DMBT1: variants seen among roughly 807,000 people sequenced by gnomAD.
DMBT1 encodes the protein deleted in malignant brain tumors 1.
DMBT1 carries 198 observed loss-of-function variants against 252.9 expected under a neutral mutation model. The ratio of observed to expected loss-of-function variants is 0.78; its 90% CI spans 0.70 to 0.88. The LOEUF (loss-of-function observed/expected upper bound fraction) is 0.88. Among genes scored for constraint, DMBT1 ranks in the 40% least tolerant of loss-of-function variants. The probability of loss-of-function intolerance (pLI) is 0.00; values close to 1 mark genes in which losing one functional copy is unlikely to be tolerated. For synonymous variants in DMBT1, 990 were observed against 942.7 expected, an observed-to-expected ratio of 1.05 and a Z score of -0.92; for missense variants, 2,432 against 2,404.7, an observed-to-expected ratio of 1.01 and a Z score of -0.24.
At chr10:122,588,211 C>G (rs912470364) in intron 16 of DMBT1, among the ~76,000 whole-genome samples, 1 of 148,200 alleles carries the variant, frequency 6.7e-6, no homozygotes, top group African/African-American at 2.4e-5. Context: ...TACTTCTGGA[C>G]AAATGTTTTT....
chr10:122,617,523 C>T (rs1199911980), intron 40 of DMBT1, among the ~76,000 whole-genome samples: 1 of 151,556 alleles, frequency 6.6e-6, no homozygotes, highest in Non-Finnish European at 1.5e-5. Flanking sequence ...CACTGGAAGG[C>T]TCCCTAATCC....
chr10:122,598,208 G>T lies in DMBT1; in HGVS notation c.2956+196G>T, dbSNP rs148985961. On this transcript the variant is annotated intron_variant, in intron 25 of 55. Coordinates refer to ENST00000338354, the MANE Select transcript of DMBT1 (RefSeq NM_001377530.1). The stretch of plus-strand genomic sequence containing the variant: ...GGAGGCTGGAGGGTGCTGGTGACTT[G>T]TCTCCCGTGGAATCCTGTTCCAAGT... 3.5e-3 allele frequency among the ~76,000 whole-genome samples: 529 copies of T among 152,158 alleles called. 6 individuals carry two copies. Among genetic ancestry groups the T allele is most frequent in the Middle Eastern group, 3.4e-3 (1 of 294 alleles).
At chr10:122,567,381 G>A (rs1244710711) in intron 2 of DMBT1, among the ~76,000 whole-genome samples, 2 of 152,210 alleles carry the variant, frequency 1.3e-5, no homozygotes, top group South Asian at 2.1e-4. Context: ...CCTCAGGTCT[G>A]AACAGGCATC....
At chr10:122,623,353 T>C (rs904830070) in intron 44 of DMBT1, among the ~76,000 whole-genome samples, 1 of 152,264 alleles carries the variant, frequency 6.6e-6, no homozygotes, top group African/African-American at 2.4e-5. Context: ...TGTGAATAAG[T>C]CTGCTATGAG....
chr10:122,643,058 C>G (rs1844854456), intron 55 of DMBT1, 64 bp from the exon 56 acceptor site: 2 of 1,578,094 alleles, frequency 1.3e-6, no homozygotes, highest in East Asian at 4.5e-5. Context: ...TCACCTGGTA[C>G]AACTGAGTCA....
At chr10:122,585,222 T>C in intron 14 of DMBT1, 49 bp from the exon 15 acceptor site, 1 of 1,575,666 alleles carries the variant, frequency 6.3e-7, no homozygotes, top group Non-Finnish European at 8.7e-7. Context: ...CTTTTGGAGA[T>C]TTTCACCATC....
intron 46 of DMBT1, among the ~76,000 whole-genome samples, chr10:122,628,474 A>G (rs1031166816): frequency 6.6e-6 from 1 of 152,078 alleles, no homozygotes; most frequent in Admixed American, 6.5e-5. Flanking sequence ...TGTCTCTACT[A>G]AAAATACAAA....
At chr10:122,598,697 G>A (rs915779957) in intron 25 of DMBT1, 77 bp from the exon 26 acceptor site, 8 of 1,607,126 alleles carry the variant, frequency 5.0e-6, no homozygotes, top group Non-Finnish European at 6.8e-6. Flanking sequence ...ATTAGGACAT[G>A]CCTTGAGTGT....
chr10:122,570,043 A>T, intron 2 of DMBT1, 119 bp from the exon 3 acceptor site: 1 of 936,108 alleles, frequency 1.1e-6, no homozygotes, highest in Non-Finnish European at 1.8e-6. Context: ...GGCTTTTAGC[A>T]ATGGAGGGTG....
chr10:122,563,456 G>A (rs746369858), intron 1 of DMBT1, among the ~76,000 whole-genome samples: 1 of 152,036 alleles, frequency 6.6e-6, no homozygotes, highest in Non-Finnish European at 1.5e-5. Flanking sequence ...ATAAAGCCTG[G>A]AGTAAACTTA....
chr10:122,575,302 C>T (rs772493851), intron 6 of DMBT1, among the ~76,000 whole-genome samples: 1 of 152,202 alleles, frequency 6.6e-6, no homozygotes, highest in Non-Finnish European at 1.5e-5. Flanking sequence ...CATGTAGGCA[C>T]ATCGGAATCA....
chr10:122,639,928 G>A, intron 54 of DMBT1, 112 bp from the exon 55 acceptor site: 2 of 1,290,592 alleles, frequency 1.5e-6, no homozygotes, highest in Non-Finnish European at 1.1e-6. Context: ...GGTTCTGGGA[G>A]GGGTGGAAGT....
Position 122,592,158 on chromosome 10 carries a change from G to C in DMBT1, c.2177-114G>C, listed in dbSNP as rs886977186. ...CCTCTGGTTGCAGTCGTATTCAATC[G>C]TGACTGCTTGTCCAGGCGACCTTGG... On this transcript the variant is annotated intron_variant, in intron 19 of 55. Transcript: ENST00000338354. The C allele has an allele frequency of 1.6e-5, 23 of 1,468,150 alleles. No individual in the cohort carries two copies. In the Admixed American group the frequency reaches 3.3e-4, roughly 21 times the overall value. 90.9% of individuals were successfully genotyped at this position (1,468,150 alleles called of 1,614,324 possible).
intron 6 of DMBT1, among the ~76,000 whole-genome samples, chr10:122,575,097 A>G (rs1439122376): frequency 1.3e-5 from 2 of 152,224 alleles, no homozygotes; most frequent in African/African-American, 4.8e-5. Context: ...CCAAGCCAGT[A>G]CCTTACTTAA....
At chr10:122,593,312 T>A (rs1469767844) in intron 20 of DMBT1, among the ~76,000 whole-genome samples, 1 of 147,908 alleles carries the variant, frequency 6.8e-6, no homozygotes, top group South Asian at 2.3e-4. Context: ...TGCAAGGGAG[T>A]GGGTTGGTTT....
intron 6 of DMBT1, 51 bp from the exon 7 acceptor site, chr10:122,576,348 A>C: frequency 6.3e-7 from 1 of 1,597,496 alleles, no homozygotes. Flanking sequence ...AGGCCCTGAG[A>C]CCTTGTGCCT....
chr10:122,598,698 C>T, intron 25 of DMBT1, 76 bp from the exon 26 acceptor site: 1 of 1,607,158 alleles, frequency 6.2e-7, no homozygotes, highest in Non-Finnish European at 8.5e-7. Flanking sequence ...TTAGGACATG[C>T]CTTGAGTGTG....
intron 4 of DMBT1, among the ~76,000 whole-genome samples, chr10:122,572,097 G>C (rs1384398846): frequency 6.6e-6 from 1 of 152,196 alleles, no homozygotes; most frequent in African/African-American, 2.4e-5. Context: ...AGAGGTTGGG[G>C]GAGGGTAAGG....
At position 122,625,948 on chromosome 10, in the gene DMBT1, C is replaced by A; in HGVS notation, c.5651C>A (p.Thr1884Lys). The change falls in exon 46 of 56, where the codon ACA becomes AAA. Residue 1884 changes from threonine to lysine, a missense_variant. By Grantham distance (78) the Thr-to-Lys change is moderately conservative (BLOSUM62 -1). Coordinates refer to ENST00000338354, the MANE Select transcript of DMBT1 (RefSeq NM_001377530.1). ...TTTTTTCTAGATTGGTGGCATCCAA[C>A]AACTACAACCACTGCAAGTAGGTAT... ...NSTTTDWWHP[T>K]TTTTARPSSN... 1 of 1,611,274 alleles carries A rather than the reference C, an allele frequency of 6.2e-7. No homozygotes were observed. The highest frequency in any genetic ancestry group is 8.5e-7 in the Non-Finnish European group (1 of 1,177,410).
Sources: gnomAD v4.1 joint callset for allele counts (sites outside exome capture counted in the v4.1 genomes callset) on GRCh38, gnomAD v4.1.1 for gene constraint, MANE v1.5 for transcripts, NCBI Gene and HGNC (gene_info 2026-07-23, HGNC 2026-07-21) for gene names.